The following TACC3 variants were observed in gnomAD, a reference collection of about 807,000 sequenced individuals.
The protein encoded by TACC3 is transforming acidic coiled-coil-containing protein 3.
TACC3 carries 52 observed loss-of-function variants against 86.0 expected under a neutral mutation model. The observed-to-expected ratio is 0.60, with a 90% CI of 0.48 to 0.76. TACC3 has a LOEUF of 0.76. Ranked by LOEUF, TACC3 falls within the 30% of genes least tolerant of loss-of-function variation. The pLI is 0.00. For synonymous variants in TACC3, 512 were observed against 430.0 expected (o/e 1.19, Z -2.36); for missense variants, 1,120 against 1,070.4 (o/e 1.05, Z -0.65).
rs1446900377 is a variant in TACC3 at position 1,735,980 on chromosome 4, G to A, written c.1748+146G>A. The A allele has an allele frequency of 4.7e-6, 3 of 644,174 alleles. No homozygotes were observed. Among genetic ancestry groups the A allele is most frequent in the Non-Finnish European group, 7.9e-6 (3 of 380,564 alleles). The allele number at this position is 644,174 out of a possible 1,614,324, so 39.9% of individuals were successfully genotyped here. A position where few individuals can be genotyped will look rare whatever the true frequency, so the allele number is the denominator to read the frequency against. On this transcript the variant is annotated intron_variant, in intron 8 of 15. Coordinates refer to ENST00000313288, the MANE Select transcript of TACC3 (RefSeq NM_006342.3). The surrounding 1 kb of genome is among the most constrained non-coding windows in gnomAD (Gnocchi z 4.2). ...AGGAGCTGTGCTAGGGGTGGGCTGG[G>A]CAGCAAGGCCAGAGCAGCCCTTGTG...
At position 1,735,789 on chromosome 4, in the gene TACC3, G is replaced by T. The variant is rs777516925; in HGVS notation, c.1703G>T (p.Arg568Met). 18 of 1,611,070 alleles carry T rather than the reference G, an allele frequency of 1.1e-5. 1 individual carries two copies. In the South Asian group the frequency reaches 2.0e-4, roughly 18 times the overall value. Reference sequence around the variant, plus strand: ...TACCTCAAGTTCGACCCCCTCCTGAGGGACAGTCCTGGTAGACCAGTGCCC... The same window carrying T: ...TACCTCAAGTTCGACCCCCTCCTGATGGACAGTCCTGGTAGACCAGTGCCC... The part of the protein sequence containing the change: ...SLYLKFDPLL[R>M]DSPGRPVPVA... The change falls in exon 8 of 16, where the codon AGG (arginine) becomes ATG (methionine). Residue 568 changes from arginine to methionine, a missense_variant. Arg to Met is a moderately conservative substitution (Grantham distance 91, BLOSUM62 -1). Transcript: ENST00000313288. This position sits in a 1 kb window ranked among gnomAD's most constrained non-coding sequence, Gnocchi z 4.2.
At chr4:1,740,048 C>A (rs767410948) in intron 12 of TACC3, 46 bp downstream of exon 12, 9 of 1,596,912 alleles carry the variant, frequency 5.6e-6, no homozygotes, top group Non-Finnish European at 6.0e-6. Context: ...CGAGGGGCTG[C>A]CTATGCCCCA....
At chr4:1,739,812 C>CCTGT in intron 11 of TACC3, 34 bp downstream of exon 11, 1 of 693,574 alleles carries the variant, frequency 1.4e-6, no homozygotes, top group Non-Finnish European at 2.0e-6. Flanking sequence ...CTCCCCGTCC[C>CCTGT]CATCCCCCTC....
intron 10 of TACC3, 157 bp downstream of exon 10, chr4:1,737,859 G>T (rs1250100436): frequency 3.8e-6 from 3 of 781,716 alleles, no homozygotes; most frequent in Non-Finnish European, 6.6e-6. Context: ...CCCCTGGCCT[G>T]TCACTACTGC....
At chr4:1,733,528 G>A (rs531589402) in intron 6 of TACC3, among the ~76,000 whole-genome samples, 56 of 151,744 alleles carry the variant, frequency 3.7e-4, no homozygotes, top group African/African-American at 1.1e-3. Flanking sequence ...GCATGGTGGC[G>A]TACACCTATA....
In TACC3 at chr4:1,728,479, G is replaced by A. The variant is rs767234946; in HGVS notation, c.1077G>A (p.Glu359=). The A allele has an allele frequency of 2.5e-6, 4 of 1,613,874 alleles. No individual in the cohort carries two copies. The highest frequency in any genetic ancestry group is 3.4e-6 in the Non-Finnish European group (4 of 1,180,020). ...KRAPPPRRLG[E]RSGLKPPLRK... is the part of the protein sequence containing the mutation. ...CACCCCCACCAAGGAGACTGGGAGAGAGGTCCGGCCTCAAGCCTCCCTTGA... is the reference window on the plus strand; with the variant it reads ...CACCCCCACCAAGGAGACTGGGAGAAAGGTCCGGCCTCAAGCCTCCCTTGA... The change falls in exon 4 of 16, where the codon GAG becomes GAA. Residue 359 remains glutamate, a synonymous_variant. Transcript: ENST00000313288.
intron 1 of TACC3, among the ~76,000 whole-genome samples, chr4:1,722,241 G>A (rs968527456): frequency 1.3e-5 from 2 of 152,288 alleles, no homozygotes; most frequent in African/African-American, 4.8e-5. Flanking sequence ...CTAAGGCTGG[G>A]TCTGCTGCTC....
At chr4:1,740,247 G>T in intron 12 of TACC3, 3 of 584,274 alleles carry the variant, frequency 5.1e-6, no homozygotes, top group Non-Finnish European at 9.1e-6. Flanking sequence ...TGCAGATGCT[G>T]AGCTAGCAGT....
At chr4:1,726,418 A>G (rs1221621009) in intron 3 of TACC3, among the ~76,000 whole-genome samples, 3 of 152,146 alleles carry the variant, frequency 2.0e-5, no homozygotes, top group Non-Finnish European at 2.9e-5. Context: ...ACCTTTGTTT[A>G]CCACGCCCCC....
At chr4:1,741,168 G>C (rs905663050) in intron 13 of TACC3, 182 bp downstream of exon 13, 1 of 529,632 alleles carries the variant, frequency 1.9e-6, no homozygotes, top group African/African-American at 2.0e-5. Context: ...GCTGGTTTGC[G>C]AGGCAGCTGA....
intron 5 of TACC3, 33 bp from the exon 6 acceptor site, chr4:1,731,139 C>T (rs1228551300): frequency 6.2e-7 from 1 of 1,611,752 alleles, no homozygotes; most frequent in East Asian, 2.2e-5. Flanking sequence ...ACCTTGACTG[C>T]ACTGCACAGG....
chr4:1,720,816 AGGTCACCTCG>A (rs2108676812), upstream of TACC3: 1 of 1,591,684 alleles, frequency 6.3e-7, no homozygotes, highest in African/African-American at 1.3e-5. The surrounding 1 kb of genome is among the most constrained non-coding windows in gnomAD (Gnocchi z 4.4). Context: ...GCGAGAGTGA[AGGTCACCTCG>A]GGGCTGTCCA....
At chr4:1,721,372 G>A (rs944981310), upstream of TACC3, 1 of 131,886 alleles carries the variant, frequency 7.6e-6, no homozygotes, top group Non-Finnish European at 1.7e-5. Flanking sequence ...GCGCCCGAGC[G>A]GGGGGTGGGG....
intron 9 of TACC3, 73 bp downstream of exon 9, chr4:1,737,401 T>G: frequency 6.9e-7 from 1 of 1,441,294 alleles, no homozygotes; most frequent in Non-Finnish European, 9.7e-7. Flanking sequence ...GGGCCTATAT[T>G]TTCTATTCCT....
At chr4:1,737,886 C>A (rs1297185784) in intron 10 of TACC3, 184 bp downstream of exon 10, 29 of 701,476 alleles carry the variant, frequency 4.1e-5, no homozygotes, top group Admixed American at 1.6e-4. Flanking sequence ...CGCTGAGGGT[C>A]CAGGCTTCCA....
At chr4:1,720,646 C>G, upstream of TACC3, 2 of 1,542,916 alleles carry the variant, frequency 1.3e-6, no homozygotes, top group South Asian at 2.4e-5. The surrounding 1 kb of genome is among the most constrained non-coding windows in gnomAD (Gnocchi z 4.4). Flanking sequence ...GCGGCAGCAG[C>G]GAGTGGCACA....
Position 1,721,521 on chromosome 4 carries a change from C to A in TACC3, c.-124C>A, listed in dbSNP as rs1421013625. 1 of 152,186 alleles carries A rather than the reference C, an allele frequency of 6.6e-6. No individual in the cohort carries two copies. The allele number at this position is 152,186 out of a possible 1,614,324, so 9.4% of individuals were successfully genotyped here. A position where few individuals can be genotyped will look rare whatever the true frequency, so the allele number is the denominator to read the frequency against. On this transcript the variant is annotated 5_prime_UTR_variant, in exon 1 of 16. Coordinates refer to ENST00000313288, the MANE Select transcript of TACC3 (RefSeq NM_006342.3). ...GAAACTCCGGCGCGCCGGCGGCCAT[C>A]AAGGGCTAGAAGCGCGACGGCGGTA...
At chr4:1,734,623 A>G (rs1436558719) in intron 6 of TACC3, among the ~76,000 whole-genome samples, 1 of 152,206 alleles carries the variant, frequency 6.6e-6, no homozygotes, top group Non-Finnish European at 1.5e-5. Flanking sequence ...TAACTCTCAC[A>G]GTTAGGGTGT....
rs368403233 is a variant in TACC3 at position 1,744,798 on chromosome 4, G to A, written c.2417G>A (p.Arg806His). Residue 806 changes from arginine (R) to histidine (H), a missense_variant, in exon 15 of 16, where the codon CGC (arginine) becomes CAC (histidine). By Grantham distance (29) the Arg-to-His change is conservative (BLOSUM62 0). Coordinates refer to ENST00000313288, the MANE Select transcript of TACC3 (RefSeq NM_006342.3). ...GCCAGCCTGAGGAAGGAGCAGATGCGCATCCAGTCGCTGGAGAAGACAGTG... is the reference window on the plus strand; with the variant it reads ...GCCAGCCTGAGGAAGGAGCAGATGCACATCCAGTCGCTGGAGAAGACAGTG... ...LQASLRKEQMRIQSLEKTVEQ... is the reference protein window; with the variant it reads ...LQASLRKEQMHIQSLEKTVEQ... 5.0e-6 allele frequency: 8 copies of A among 1,612,754 alleles called. No homozygotes were observed. In the African/African-American group the frequency reaches 6.7e-5, roughly 13 times the overall value.
Sources: gnomAD v4.1 joint callset for allele counts (sites outside exome capture counted in the v4.1 genomes callset) on GRCh38, gnomAD v4.1.1 for gene constraint, Gnocchi (gnomAD v3.1) non-coding constraint, MANE v1.5 for transcripts, NCBI Gene and HGNC (gene_info 2026-07-23, HGNC 2026-07-21) for gene names.